Variants in LRP1B observed in about 807,000 individuals in gnomAD.
LRP1B encodes the protein low-density lipoprotein receptor-related protein 1B.
A neutral mutation model predicts 556.6 loss-of-function variants in LRP1B; 217 were observed. The ratio of observed to expected loss-of-function variants is 0.39; its 90% CI spans 0.35 to 0.44. LRP1B has a LOEUF of 0.44. Ranked by LOEUF, LRP1B falls within the 20% of genes least tolerant of loss-of-function variation. LRP1B has a pLI of 1.00. For synonymous variants in LRP1B, 2,047 were observed against 1,865.8 expected (o/e 1.10, Z -2.50); for missense variants, 5,053 against 5,620.8 (o/e 0.90, Z 3.23).
intron 2 of LRP1B, among the ~76,000 whole-genome samples, chr2:141,644,727 G>A: frequency 1.3e-5 from 1 of 76,008 alleles, no homozygotes; most frequent in Non-Finnish European, 2.5e-5. Flanking sequence ...AGCAGTCATT[G>A]ATCACACACA....
In LRP1B at chr2:141,611,095, T is replaced by C. The variant is rs570316355; in HGVS notation, c.206-130562A>G. On this transcript the variant is annotated intron_variant, in intron 2 of 90. Transcript: ENST00000389484. ...TGCTAGAATCAATTGCACATTTGCC[T>C]GTTTTATTCCATCAGCTTGAGAAAT... Among the ~76,000 whole-genome samples the C allele has an allele frequency of 6.6e-5, 10 of 152,316 alleles. No homozygotes were observed. The South Asian group carries it at 2.1e-3, about 32-fold the overall frequency.
rs984484056 is a variant in LRP1B, at chr2:140,813,804, G to A, written c.5212C>T (p.Leu1738=). 1 of 1,598,460 alleles carries A rather than the reference G, an allele frequency of 6.3e-7. No homozygotes were observed. Among genetic ancestry groups the A allele is most frequent in the Admixed American group, 1.7e-5 (1 of 58,394 alleles). ...LFQNQKEPVG[L]SIDYVENKLY... ...TTGTTTTCCACATAGTCTATCGATAGACCTGTAATTAAATTTTACAACTTA... is the reference window on the plus strand; with the variant it reads ...TTGTTTTCCACATAGTCTATCGATAAACCTGTAATTAAATTTTACAACTTA... Residue 1738 remains leucine, a splice_region_variant and synonymous_variant, in exon 32 of 91, where the codon CTA becomes TTA. Transcript: ENST00000389484.
chr2:141,293,625 C>CTT (rs376533625), intron 3 of LRP1B, among the ~76,000 whole-genome samples: 12 of 137,304 alleles, frequency 8.7e-5, no homozygotes, highest in Admixed American at 4.4e-4. Context: ...TCACTACATT[C>CTT]TTTTTTTTTT....
chr2:141,451,562 C>T (rs1681422184), intron 3 of LRP1B, among the ~76,000 whole-genome samples: 1 of 152,082 alleles, frequency 6.6e-6, no homozygotes, highest in Non-Finnish European at 1.5e-5. Flanking sequence ...TTGCAGAATT[C>T]ACCTATATAA....
chr2:141,951,955 T>G, intron 1 of LRP1B, among the ~76,000 whole-genome samples: 1 of 151,738 alleles, frequency 6.6e-6, no homozygotes, highest in Admixed American at 6.6e-5. Flanking sequence ...TAACTCATCA[T>G]TTACATTAGG....
At chr2:141,009,094 A>G (rs1328403934) in intron 14 of LRP1B, among the ~76,000 whole-genome samples, 6 of 151,904 alleles carry the variant, frequency 3.9e-5, no homozygotes, top group Non-Finnish European at 5.9e-5. Context: ...CCTTTTCTAT[A>G]TGTGTCCTGG....
intron 1 of LRP1B, among the ~76,000 whole-genome samples, chr2:141,905,630 G>A (rs1272667548): frequency 6.6e-6 from 1 of 151,730 alleles, no homozygotes. Context: ...GGCTGAATGA[G>A]GAGGAAAGGA....
At chr2:140,863,455 A>G (rs181494491) in intron 27 of LRP1B, among the ~76,000 whole-genome samples, 41 of 152,290 alleles carry the variant, frequency 2.7e-4, no homozygotes, top group Admixed American at 7.8e-4. Context: ...ATGTGTTTTA[A>G]TAAGCCCTCC....
chr2:141,657,085 T>A (rs1310940618), intron 2 of LRP1B, among the ~76,000 whole-genome samples: 2 of 151,938 alleles, frequency 1.3e-5, no homozygotes, highest in Non-Finnish European at 2.9e-5. Flanking sequence ...TACAAAGCAG[T>A]TTTTTTTAGT....
rs556736070 is a variant in LRP1B, at chr2:141,409,065, T to C, written c.343+71331A>G. Among the ~76,000 whole-genome samples, 226 of 152,288 alleles carry C rather than the reference T, an allele frequency of 1.5e-3. 1 individual carries two copies. The highest frequency in any genetic ancestry group is 5.1e-3 in the African/African-American group (212 of 41,564). On this transcript the variant is annotated intron_variant, in intron 3 of 90. Transcript: ENST00000389484. The stretch of plus-strand genomic sequence containing the variant: ...ACTTTCATTTGCTAGGCTTATGGCA[T>C]TGAATGAGTTAGTAATTGCTCAAAG...
intron 2 of LRP1B, among the ~76,000 whole-genome samples, chr2:141,497,494 G>T (rs1395091004): frequency 6.6e-6 from 1 of 151,988 alleles, no homozygotes; most frequent in Non-Finnish European, 1.5e-5. Flanking sequence ...TAGAATAACT[G>T]AATAAGGAAG....
intron 1 of LRP1B, among the ~76,000 whole-genome samples, chr2:142,053,229 A>G (rs968789156): frequency 1.3e-5 from 2 of 152,214 alleles, no homozygotes; most frequent in Non-Finnish European, 2.9e-5. Context: ...GGCCAAAATA[A>G]TATAGAAAAT....
At chr2:142,094,294 G>C (rs955987564) in intron 1 of LRP1B, among the ~76,000 whole-genome samples, 4 of 152,014 alleles carry the variant, frequency 2.6e-5, no homozygotes, top group African/African-American at 7.2e-5. Context: ...TGGCTGTAAG[G>C]CTGGTGTTTT....
At chr2:141,713,935 T>A (rs139256967) in intron 2 of LRP1B, among the ~76,000 whole-genome samples, 1 of 152,316 alleles carries the variant, frequency 6.6e-6, no homozygotes, top group East Asian at 1.9e-4. Context: ...GGCACCCAGA[T>A]CTGCCAAATG....
chr2:140,773,078 G>A (rs1689371557), intron 33 of LRP1B, among the ~76,000 whole-genome samples: 1 of 151,996 alleles, frequency 6.6e-6, no homozygotes, highest in Non-Finnish European at 1.5e-5. Context: ...GTAACAGAGT[G>A]AGACTGTCTC....
chr2:141,112,831 A>G (rs542520995), intron 7 of LRP1B, among the ~76,000 whole-genome samples: 1 of 152,368 alleles, frequency 6.6e-6, no homozygotes, highest in African/African-American at 2.4e-5. Flanking sequence ...ATTGATTAAT[A>G]ATCCCAGAAA....
chr2:141,977,160 T>G (rs1352008599), intron 1 of LRP1B, among the ~76,000 whole-genome samples: 1 of 152,144 alleles, frequency 6.6e-6, no homozygotes, highest in African/African-American at 2.4e-5. Flanking sequence ...TTTTTGATCT[T>G]TTGGAGAGGA....
intron 2 of LRP1B, among the ~76,000 whole-genome samples, chr2:141,774,794 A>C (rs1255312386): frequency 6.6e-6 from 1 of 152,146 alleles, no homozygotes; most frequent in East Asian, 1.9e-4. Context: ...GTTCTTGATA[A>C]AACCAGAAGA....
intron 82 of LRP1B, among the ~76,000 whole-genome samples, chr2:140,321,152 A>AAG (rs1680097534): frequency 6.6e-6 from 1 of 152,088 alleles, no homozygotes; most frequent in South Asian, 2.1e-4. Flanking sequence ...TAATGTCTTG[A>AAG]ATATGAGGTA....
Sources: allele counts gnomAD v4.1 joint callset (sites outside exome capture counted in the v4.1 genomes callset), GRCh38; gene constraint gnomAD v4.1.1; transcripts MANE v1.5; gene names NCBI Gene and HGNC (gene_info 2026-07-23, HGNC 2026-07-21).